Variants in LAMA2 observed in about 807,000 individuals in gnomAD.
The protein encoded by LAMA2 is laminin subunit alpha 2, also known as laminin subunit alpha-2.
LAMA2 carries 269 observed loss-of-function variants against 364.8 expected under a neutral mutation model. The ratio of observed to expected loss-of-function variants is 0.74; its 90% confidence interval spans 0.67 to 0.82. LAMA2 has a LOEUF of 0.82. LAMA2 is among the 40% of genes least tolerant of loss of function. The pLI is 0.00. For missense variants in LAMA2, 3,807 were observed against 3,873.2 expected (o/e 0.98, Z 0.45); for synonymous variants, 1,379 against 1,370.6 (o/e 1.01, Z -0.14).
At chr6:128,929,422 T>C (rs1779305382) in intron 1 of LAMA2, 6 of 867,502 alleles carry the variant, frequency 6.9e-6, no homozygotes, top group Non-Finnish European at 1.2e-5. Context: ...CATCTTTGAG[T>C]AGCTTTTGGA....
intron 12 of LAMA2, among the ~76,000 whole-genome samples, chr6:129,215,816 T>G (rs897101525): frequency 1.3e-5 from 2 of 152,154 alleles, no homozygotes; most frequent in Non-Finnish European, 2.9e-5. Context: ...TTAACCCCCT[T>G]GCTTTCCCTT....
At chr6:128,918,696 A>T (rs954576479) in intron 1 of LAMA2, among the ~76,000 whole-genome samples, 4 of 152,196 alleles carry the variant, frequency 2.6e-5, no homozygotes, top group Non-Finnish European at 5.9e-5. Flanking sequence ...GTACATTTTA[A>T]ATTTCTAGTA....
intron 8 of LAMA2, 31 bp downstream of exon 8, chr6:129,154,714 TA>T: frequency 6.3e-7 from 1 of 1,585,442 alleles, no homozygotes; most frequent in Non-Finnish European, 8.7e-7. Flanking sequence ...CATAAAGAGT[TA>T]TTTTTTTGCT....
intron 35 of LAMA2, 71 bp from the exon 36 acceptor site, chr6:129,391,420 G>A: frequency 7.8e-7 from 1 of 1,277,652 alleles, no homozygotes; most frequent in Non-Finnish European, 1.1e-6. Flanking sequence ...GTGCCCAGCA[G>A]ATGCTGAATA....
chr6:129,191,104 G>A (rs1781499719), intron 11 of LAMA2, among the ~76,000 whole-genome samples: 1 of 152,098 alleles, frequency 6.6e-6, no homozygotes, highest in Non-Finnish European at 1.5e-5. Context: ...AGTCTAGACG[G>A]GGGAATGAGA....
At chr6:129,510,114 C>T (rs1310590724) in intron 62 of LAMA2, among the ~76,000 whole-genome samples, 3 of 152,040 alleles carry the variant, frequency 2.0e-5, no homozygotes, top group African/African-American at 7.2e-5. Context: ...ATTGGAAGTC[C>T]TAGCTAGAGC....
intron 1 of LAMA2, among the ~76,000 whole-genome samples, chr6:128,934,693 G>A (rs1779705099): frequency 6.6e-6 from 1 of 152,032 alleles, no homozygotes; most frequent in Non-Finnish European, 1.5e-5. Flanking sequence ...TTTCTTAGTA[G>A]AGATGGGGTT....
At chr6:129,131,883 G>C (rs974740232) in intron 4 of LAMA2, among the ~76,000 whole-genome samples, 12 of 152,132 alleles carry the variant, frequency 7.9e-5, no homozygotes, top group African/African-American at 2.9e-4. Flanking sequence ...CTACAAATGT[G>C]GTGGCTCTAA....
chr6:129,302,967 A>G (rs1773638848), intron 22 of LAMA2, among the ~76,000 whole-genome samples: 1 of 152,090 alleles, frequency 6.6e-6, no homozygotes, highest in Non-Finnish European at 1.5e-5. Flanking sequence ...TAACTTTTAA[A>G]TTTAGCATGT....
intron 4 of LAMA2, among the ~76,000 whole-genome samples, chr6:129,127,735 T>C (rs1777198899): frequency 1.3e-5 from 2 of 152,326 alleles, no homozygotes; most frequent in East Asian, 3.9e-4. Flanking sequence ...TGATATCTCA[T>C]TGTAATTTTA....
chr6:129,081,254 G>A (rs1774034660), intron 3 of LAMA2, among the ~76,000 whole-genome samples: 1 of 151,656 alleles, frequency 6.6e-6, no homozygotes, highest in Admixed American at 6.6e-5. Flanking sequence ...GGGGTGGGGT[G>A]AGGGGGGAGG....
intron 54 of LAMA2, among the ~76,000 whole-genome samples, chr6:129,479,349 A>G (rs567384174): frequency 3.9e-5 from 6 of 152,296 alleles, no homozygotes; most frequent in African/African-American, 1.4e-4. Context: ...TGTGTTTGAC[A>G]TGCCTGCAAA....
chr6:129,492,216 G>A, intron 57 of LAMA2, 99 bp from the exon 58 acceptor site: 1 of 1,436,396 alleles, frequency 7.0e-7, no homozygotes, highest in Non-Finnish European at 9.8e-7. Flanking sequence ...ACTGAGAAAA[G>A]CACACTAATG....
intron 1 of LAMA2, among the ~76,000 whole-genome samples, chr6:128,893,519 AT>A (rs2114391428): frequency 6.6e-6 from 1 of 152,062 alleles, no homozygotes; most frequent in Non-Finnish European, 1.5e-5. Context: ...GGCACAAATT[AT>A]TTGTTTAGTA....
chr6:129,495,148 G>GTTGT (rs1785093199), intron 58 of LAMA2, among the ~76,000 whole-genome samples: 1 of 152,188 alleles, frequency 6.6e-6, no homozygotes, highest in South Asian at 2.1e-4. Context: ...GCAGGCTCGA[G>GTTGT]TTGTTAGAAA....
chr6:129,148,801 T>G (rs1354765310), intron 6 of LAMA2, among the ~76,000 whole-genome samples, 178 bp from the exon 7 acceptor site: 3 of 152,064 alleles, frequency 2.0e-5, no homozygotes, highest in African/African-American at 7.2e-5. Context: ...CTTAAGGTGA[T>G]GTTGATCAAA....
chr6:129,430,687 G>A (rs539008542), intron 41 of LAMA2, among the ~76,000 whole-genome samples: 108 of 152,120 alleles, frequency 7.1e-4, no homozygotes, highest in Admixed American at 6.5e-4. Context: ...TTTTAAGGCC[G>A]GGCGCAGTGG....
chr6:129,166,062 G>A (rs1408215432), intron 9 of LAMA2, among the ~76,000 whole-genome samples: 4 of 152,184 alleles, frequency 2.6e-5, no homozygotes, highest in Middle Eastern at 3.2e-3. Context: ...ACTGAGGAAT[G>A]TGTGTGCTGT....
At chr6:129,004,873 T>C (rs1784347299) in intron 1 of LAMA2, among the ~76,000 whole-genome samples, 1 of 152,002 alleles carries the variant, frequency 6.6e-6, no homozygotes, top group Non-Finnish European at 1.5e-5. Flanking sequence ...ATAAAACACT[T>C]TTCAGGATAT....
Sources: gnomAD v4.1 joint callset for allele counts (sites outside exome capture counted in the v4.1 genomes callset) on GRCh38, gnomAD v4.1.1 for gene constraint, MANE v1.5 for transcripts, NCBI Gene and HGNC (gene_info 2026-07-23, HGNC 2026-07-21) for gene names.